The following SEC16B variants were observed in gnomAD, a reference collection of about 807,000 sequenced individuals.
The protein encoded by SEC16B is protein transport protein Sec16B.
In SEC16B, 115 loss-of-function variants were observed where a neutral mutation model predicts 141.8. That is an observed-to-expected ratio of 0.81 (90% CI 0.70 to 0.95). The LOEUF (loss-of-function observed/expected upper bound fraction) is 0.95. Ranked by LOEUF, SEC16B falls within the 40% of genes least tolerant of loss-of-function variation. The probability of loss-of-function intolerance (pLI) is 0.00; values close to 1 mark genes in which losing one functional copy is unlikely to be tolerated. For synonymous variants in SEC16B, 493 were observed against 492.5 expected (o/e 1.00, Z -0.01); for missense variants, 1,291 against 1,312.3 (o/e 0.98, Z 0.25).
intron 1 of SEC16B, among the ~76,000 whole-genome samples, chr1:177,980,758 CG>C (rs11296255): frequency 0.15 from 19,869 of 130,070 alleles, 1,584 homozygotes; most frequent in East Asian, 0.43. Flanking sequence ...GGTTTCTCTG[CG>C]AAAAAAAAAA....
chr1:177,949,631 A>G (rs1177057258), intron 12 of SEC16B, among the ~76,000 whole-genome samples: 1 of 152,152 alleles, frequency 6.6e-6, no homozygotes, highest in East Asian at 1.9e-4. Flanking sequence ...AATTTTCACA[A>G]TAACTCTACT....
chr1:177,959,983 G>T (rs1041655092), intron 8 of SEC16B: 1 of 277,242 alleles, frequency 3.6e-6, no homozygotes, highest in African/African-American at 2.2e-5. Context: ...TACAAGAATT[G>T]TTTCTGCTAT....
At chr1:177,981,400 C>T (rs756638357) in intron 1 of SEC16B, among the ~76,000 whole-genome samples, 16 of 151,998 alleles carry the variant, frequency 1.1e-4, no homozygotes, top group South Asian at 2.1e-4. Flanking sequence ...AGCAGGCACC[C>T]GGAACTTATG....
chr1:177,979,870 A>G (rs1654333922), intron 1 of SEC16B, among the ~76,000 whole-genome samples: 1 of 152,152 alleles, frequency 6.6e-6, no homozygotes, highest in African/African-American at 2.4e-5. Context: ...CTTACTCACT[A>G]TCATGAGAAG....
At chr1:177,941,292 C>T (rs1032997017) in intron 16 of SEC16B, among the ~76,000 whole-genome samples, 1 of 152,184 alleles carries the variant, frequency 6.6e-6, no homozygotes, top group Non-Finnish European at 1.5e-5. Flanking sequence ...CTCACCACCA[C>T]AAATTTTATA....
chr1:177,937,928 T>C (rs1571311290), intron 18 of SEC16B, among the ~76,000 whole-genome samples: 1 of 152,144 alleles, frequency 6.6e-6, no homozygotes, highest in East Asian at 1.9e-4. Flanking sequence ...AACAGAGATC[T>C]TAAGACTAAC....
At chr1:177,960,462 G>A in intron 7 of SEC16B, 59 bp from the exon 8 acceptor site, 2 of 1,183,898 alleles carry the variant, frequency 1.7e-6, no homozygotes, top group South Asian at 2.6e-5. Context: ...GCCCCTTTCA[G>A]TCAAGTCTAG....
chr1:177,938,791 A>G (rs1651055977), intron 18 of SEC16B, among the ~76,000 whole-genome samples: 1 of 152,218 alleles, frequency 6.6e-6, no homozygotes, highest in South Asian at 2.1e-4. Flanking sequence ...GAAAGCTTCC[A>G]GCTAAAAACC....
rs766202320 is a variant in SEC16B at position 177,951,914 on chromosome 1, C to T, written c.1545G>A (p.Thr515=). ...TAAAGGAATCCTGTCATAGGGGTAC[C>T]GTGGCTGCCTGTGGAATCCTCCCCG... is the stretch of plus-strand genomic sequence containing the variant. ...LMSGRIPQAA[T]CCGEKQWGDW... Residue 515 remains threonine (T), a splice_region_variant and synonymous_variant, in exon 12 of 26, where the codon ACG becomes ACA. Transcript: ENST00000308284. 1.0e-5 allele frequency: 16 copies of T among 1,599,548 alleles called. No individual in the cohort carries two copies. In the East Asian group the frequency reaches 2.3e-4, roughly 23 times the overall value.
At position 177,954,313 on chromosome 1, in the gene SEC16B, T is replaced by A; in HGVS notation, c.1429A>T (p.Met477Leu). ...ACCCAGCTGTAGGTCTGTGGGTCCATCTTGCTGGACAGGAACAAAGCATGG... is the reference window on the plus strand; with the variant it reads ...ACCCAGCTGTAGGTCTGTGGGTCCAACTTGCTGGACAGGAACAAAGCATGG... ...WGHALFLSSK[M>L]DPQTYSWVMS... is the part of the protein sequence containing the mutation. The change falls in exon 11 of 26, where the codon ATG becomes TTG. Residue 477 changes from methionine (M) to leucine (L), a missense_variant. This residue lies in a region of SEC16B where 681 missense variants were observed against 675.5 expected (regional missense o/e 1.01). Coordinates refer to ENST00000308284, the MANE Select transcript of SEC16B (RefSeq NM_033127.4). 6.4e-7 allele frequency: 1 copy of A among 1,572,434 alleles called. No individual in the cohort carries two copies. The highest frequency in any genetic ancestry group is 8.6e-7 in the Non-Finnish European group (1 of 1,157,870).
intron 10 of SEC16B, among the ~76,000 whole-genome samples, chr1:177,957,051 G>A (rs1422318726): frequency 6.6e-6 from 1 of 152,126 alleles, no homozygotes; most frequent in Non-Finnish European, 1.5e-5. Flanking sequence ...GGAAGCCTTA[G>A]ATATAGCAGC....
chr1:177,954,508 A>G lies in SEC16B; in HGVS notation c.1366-132T>C, dbSNP rs1250571467. The G allele has an allele frequency of 2.0e-5, 13 of 659,206 alleles. No homozygotes were observed. In the South Asian group the frequency reaches 2.2e-4, roughly 11 times the overall value. 40.8% of individuals were successfully genotyped at this position (659,206 alleles called of 1,614,324 possible). A position where few individuals can be genotyped will look rare whatever the true frequency, so the allele number is the denominator to read the frequency against. The stretch of plus-strand genomic sequence containing the variant: ...AAAACTCTTAGAGCCTCATATAAGA[A>G]TGTGAACAGCCAGGAAGCAGACTGT... On this transcript the variant is annotated intron_variant, in intron 10 of 25. Transcript: ENST00000308284.
In SEC16B at chr1:177,933,345, A is replaced by T. The variant is rs766233304; in HGVS notation, c.2725-33T>A. On this transcript the variant is annotated intron_variant, in intron 21 of 25. Transcript: ENST00000308284. ...GGGAAGAGGACATTTTATGACCTGC[A>T]GGTTGGCTTCTTCCCCAACTATGAG... 7 of 1,571,442 alleles carry T rather than the reference A, an allele frequency of 4.5e-6. No homozygotes were observed. The South Asian group carries it at 8.2e-5, about 18-fold the overall frequency.
rs747710444 is a variant in SEC16B at position 177,940,660 on chromosome 1, C to A, written c.2077G>T (p.Asp693Tyr). 1.9e-6 allele frequency: 3 copies of A among 1,613,830 alleles called. No individual in the cohort carries two copies. The highest frequency in any genetic ancestry group is 2.5e-6 in the Non-Finnish European group (3 of 1,179,882). Residue 693 changes from aspartate (D) to tyrosine (Y), a missense_variant, in exon 17 of 26, where the codon GAC becomes TAC. Transcript: ENST00000308284. ...DPLVLERRSG[D>Y]RDLEPDWLAQ... ...AGCCAATCTGGCTCCAGGTCCCTGT[C>A]TCCACTGCGTCTTTCTAAAACCAGA...
At chr1:177,964,941 A>G (rs746881011) in intron 4 of SEC16B, 106 bp downstream of exon 4, 161 of 1,350,784 alleles carry the variant, frequency 1.2e-4, no homozygotes, top group Non-Finnish European at 1.5e-4. Context: ...ACAAAGGTAC[A>G]TGGGCTTCTG....
chr1:177,958,776 T>G, intron 9 of SEC16B, 64 bp downstream of exon 9: 1 of 1,527,482 alleles, frequency 6.5e-7, no homozygotes, highest in Non-Finnish European at 8.8e-7. Context: ...AAACATAATC[T>G]TATCTATCCC....
At chr1:177,953,748 C>A (rs1272281514) in intron 11 of SEC16B, among the ~76,000 whole-genome samples, 3 of 152,166 alleles carry the variant, frequency 2.0e-5, no homozygotes, top group Admixed American at 6.5e-5. Flanking sequence ...CTAAGCATAT[C>A]CCTTCAGTCT....
intron 7 of SEC16B, 52 bp downstream of exon 7, chr1:177,960,739 G>A: frequency 6.5e-7 from 1 of 1,535,720 alleles, no homozygotes; most frequent in Non-Finnish European, 8.8e-7. Flanking sequence ...CATGTTAGGA[G>A]TAGTTGGGTA....
chr1:177,945,061 G>A (rs1338474666), intron 14 of SEC16B, among the ~76,000 whole-genome samples: 1 of 152,218 alleles, frequency 6.6e-6, no homozygotes, highest in South Asian at 2.1e-4. Context: ...CCTGTGAAGG[G>A]CACCCCTAGT....
Sources: allele counts gnomAD v4.1 joint callset (sites outside exome capture counted in the v4.1 genomes callset), GRCh38; gene constraint gnomAD v4.1.1; regional missense constraint gnomAD v4.1.1; transcripts MANE v1.5; gene names NCBI Gene and HGNC (gene_info 2026-07-23, HGNC 2026-07-21).